The following DOP1A variants were observed in gnomAD, a reference collection of about 807,000 sequenced individuals.
The protein encoded by DOP1A is protein DOP1A.
A neutral mutation model predicts 267.6 loss-of-function variants in DOP1A; 90 were observed. The ratio of observed to expected loss-of-function variants is 0.34; its 90% confidence interval spans 0.28 to 0.40. The LOEUF is 0.40. Ranked by LOEUF, DOP1A falls within the 10% of genes least tolerant of loss-of-function variation. DOP1A has a pLI of 1.00. For synonymous variants in DOP1A, 932 were observed against 999.1 expected (o/e 0.93, Z 1.27); for missense variants, 2,437 against 2,900.4 (o/e 0.84, Z 3.67).
chr6:83,167,289 A>G lies in DOP1A; in HGVS notation c.7093-573A>G, dbSNP rs1472467361. 6.1e-6 allele frequency: 6 copies of G among 985,238 alleles called. No individual in the cohort carries two copies. In the African/African-American group the frequency reaches 8.7e-5, roughly 14 times the overall value. 61.0% of individuals were successfully genotyped at this position (985,238 alleles called of 1,614,324 possible). The stretch of plus-strand genomic sequence containing the variant: ...CTTTCCTCCCTATGTTGTTTAGCAC[A>G]ACCCAGAAGGAGACAGCAGTGTCTC... On this transcript the variant is annotated intron_variant, in intron 38 of 38. Coordinates refer to ENST00000349129, the MANE Select transcript of DOP1A (RefSeq NM_015018.4).
chr6:83,071,002 C>T (rs1055730368), intron 1 of DOP1A, among the ~76,000 whole-genome samples: 2 of 152,180 alleles, frequency 1.3e-5, no homozygotes, highest in Non-Finnish European at 2.9e-5. Flanking sequence ...TTGCCATAAA[C>T]AGAAGGTGGA....
chr6:83,145,296 C>T (rs1193423125), intron 24 of DOP1A, among the ~76,000 whole-genome samples: 1 of 113,244 alleles, frequency 8.8e-6, no homozygotes, highest in Admixed American at 1.2e-4. Context: ...TAAATAGAGG[C>T]CAGGGCTGGG....
intron 7 of DOP1A, among the ~76,000 whole-genome samples, chr6:83,116,988 T>C (rs1339821602): frequency 6.6e-6 from 1 of 152,162 alleles, no homozygotes. Context: ...ATAATTCATA[T>C]TAGTAATTCT....
intron 37 of DOP1A, among the ~76,000 whole-genome samples, chr6:83,162,174 C>T (rs1399127924): frequency 6.6e-6 from 1 of 152,030 alleles, no homozygotes; most frequent in Non-Finnish European, 1.5e-5. Context: ...TTGATGAATC[C>T]TATGCGGGGA....
chr6:83,152,226 A>T, intron 29 of DOP1A, 62 bp from the exon 30 acceptor site: 2 of 938,356 alleles, frequency 2.1e-6, no homozygotes, highest in Non-Finnish European at 3.2e-6. Flanking sequence ...ACACACACAC[A>T]CACACATAAA....
rs532419491 is a variant in DOP1A at position 83,097,192 on chromosome 6, T to A, written c.138+77T>A. 45 of 1,487,530 alleles carry A rather than the reference T, an allele frequency of 3.0e-5. 1 individual carries two copies. In the South Asian group the frequency reaches 5.3e-4, roughly 17 times the overall value. 92.1% of individuals were successfully genotyped at this position (1,487,530 alleles called of 1,614,324 possible). A position where few individuals can be genotyped will look rare whatever the true frequency, so the allele number is the denominator to read the frequency against. On this transcript the variant is annotated intron_variant, in intron 3 of 38. Transcript: ENST00000349129. Reference sequence around the variant, plus strand: ...TTTGTACTTGTTAGATTTCTCGAAATCTTGAAGTAAGAATGCAAAAACATA... The same window carrying A: ...TTTGTACTTGTTAGATTTCTCGAAAACTTGAAGTAAGAATGCAAAAACATA...
chr6:83,097,346 G>A (rs187386975), intron 3 of DOP1A, among the ~76,000 whole-genome samples: 20 of 152,138 alleles, frequency 1.3e-4, no homozygotes, highest in Non-Finnish European at 2.1e-4. Context: ...TATAGTTATC[G>A]CCATGATTAT....
At position 83,167,990 on chromosome 6, in the gene DOP1A, C is replaced by T. The variant is rs1201411295; in HGVS notation, c.7221C>T (p.Phe2407=). ...LPFFNVLSQV[F]NSKVTSRCGG... ...TCTTCAATGTGCTCAGTCAAGTCTT[C>T]AACAGCAAAGTCACAAGCCGATGTG... Residue 2407 remains phenylalanine (F), a synonymous_variant, in exon 39 of 39, where the codon TTC becomes TTT. Coordinates refer to ENST00000349129, the MANE Select transcript of DOP1A (RefSeq NM_015018.4). 6.2e-7 allele frequency: 1 copy of T among 1,614,138 alleles called. No homozygotes were observed. The highest frequency in any genetic ancestry group is 2.2e-5 in the East Asian group (1 of 44,870).
intron 25 of DOP1A, among the ~76,000 whole-genome samples, chr6:83,146,674 G>A (rs1193225476): frequency 6.6e-6 from 1 of 152,158 alleles, no homozygotes; most frequent in Non-Finnish European, 1.5e-5. Flanking sequence ...AGCACAAATT[G>A]ATAAACGTCA....
chr6:83,085,988 G>C (rs565740570), intron 1 of DOP1A, among the ~76,000 whole-genome samples: 1 of 152,110 alleles, frequency 6.6e-6, no homozygotes, highest in Non-Finnish European at 1.5e-5. Flanking sequence ...GCTATAACTG[G>C]TTAGAATAAT....
intron 4 of DOP1A, among the ~76,000 whole-genome samples, chr6:83,104,755 A>T (rs1312405838): frequency 2.0e-5 from 3 of 152,106 alleles, no homozygotes; most frequent in African/African-American, 7.2e-5. Flanking sequence ...TAAAGTTCTT[A>T]ATATACTGTT....
intron 38 of DOP1A, chr6:83,167,612 G>C (rs548530496): frequency 5.9e-6 from 7 of 1,184,588 alleles, no homozygotes; most frequent in Non-Finnish European, 7.3e-6. Context: ...AGCTATTTCT[G>C]TTAACTAAGC....
chr6:83,162,961 A>G (rs1262744194), intron 38 of DOP1A, 42 bp downstream of exon 38: 2 of 1,576,836 alleles, frequency 1.3e-6, no homozygotes, highest in East Asian at 2.2e-5. Context: ...ACATCACTAC[A>G]TGTTGCATTA....
Position 83,138,216 on chromosome 6 carries a change from T to G in DOP1A, c.4174T>G (p.Leu1392Val). ...TGCTTTCTCTGCCATCAAAGCCATC[T>G]TGAAAACTAACCCTATAGCTTTTGT... ...LYAFSAIKAI[L>V]KTNPIAFVNA... Residue 1392 changes from leucine to valine, a missense_variant, in exon 21 of 39, where the codon TTG (leucine) becomes GTG (valine). This residue lies in a region of DOP1A where 878 missense variants were observed against 992.9 expected (regional missense o/e 0.88). Coordinates refer to ENST00000349129, the MANE Select transcript of DOP1A (RefSeq NM_015018.4). 1.2e-6 allele frequency: 2 copies of G among 1,613,768 alleles called. No homozygotes were observed. Among genetic ancestry groups the G allele is most frequent in the South Asian group, 1.1e-5 (1 of 91,074 alleles).
chr6:83,087,208 C>G (rs993061116), intron 1 of DOP1A, among the ~76,000 whole-genome samples: 3 of 152,060 alleles, frequency 2.0e-5, no homozygotes, highest in African/African-American at 7.2e-5. Context: ...AAGTTTGAAA[C>G]TAGATCTTTA....
chr6:83,146,463 G>A (rs138228475), intron 25 of DOP1A, among the ~76,000 whole-genome samples: 1 of 152,086 alleles, frequency 6.6e-6, no homozygotes, highest in Admixed American at 6.5e-5. Flanking sequence ...AAAAACTGGG[G>A]CATTTGTCAT....
At chr6:83,125,770 A>C in intron 15 of DOP1A, 37 bp downstream of exon 15, 1 of 1,523,106 alleles carries the variant, frequency 6.6e-7, no homozygotes, top group Non-Finnish European at 9.0e-7. Flanking sequence ...TAGACTGTTC[A>C]TATTTCTTCA....
intron 7 of DOP1A, among the ~76,000 whole-genome samples, chr6:83,114,789 T>G (rs935134851): frequency 6.6e-6 from 1 of 152,246 alleles, no homozygotes; most frequent in African/African-American, 2.4e-5. Flanking sequence ...TTCTAGATTC[T>G]TATATTCTAT....
chr6:83,084,889 C>G (rs1768801833), intron 1 of DOP1A, among the ~76,000 whole-genome samples: 1 of 152,124 alleles, frequency 6.6e-6, no homozygotes, highest in Non-Finnish European at 1.5e-5. Flanking sequence ...CTGCACCCAG[C>G]CTAAATAGGA....
Sources: allele counts gnomAD v4.1 joint callset (sites outside exome capture counted in the v4.1 genomes callset), GRCh38; gene constraint gnomAD v4.1.1; regional missense constraint gnomAD v4.1.1; transcripts MANE v1.5; gene names NCBI Gene and HGNC (gene_info 2026-07-23, HGNC 2026-07-21).